ZBTB1: variants seen among roughly 807,000 people sequenced by gnomAD.
The protein encoded by ZBTB1 is zinc finger and BTB domain containing 1.
ZBTB1 carries 13 observed loss-of-function variants against 51.6 expected under a neutral mutation model. The observed-to-expected ratio is 0.25, with a 90% CI of 0.16 to 0.40. The LOEUF (loss-of-function observed/expected upper bound fraction) is 0.40, where lower values mean the gene tolerates loss of function less well. ZBTB1 is among the 10% of genes least tolerant of loss of function. The pLI is 1.00. For synonymous variants in ZBTB1, 240 were observed against 282.2 expected (o/e 0.85, Z 1.50); for missense variants, 567 against 856.5 (o/e 0.66, Z 4.22).
intron 1 of ZBTB1, among the ~76,000 whole-genome samples, chr14:64,511,877 C>T (rs1409214280): frequency 6.6e-6 from 1 of 152,176 alleles, no homozygotes; most frequent in Non-Finnish European, 1.5e-5. Flanking sequence ...AGAAAACAGC[C>T]AGCCGGGTGA....
intron 1 of ZBTB1, 146 bp from the exon 2 acceptor site, chr14:64,521,341 A>G: frequency 1.7e-6 from 1 of 600,008 alleles, no homozygotes; most frequent in South Asian, 2.6e-5. Context: ...TGATTCAAGT[A>G]TATATTATTG....
At chr14:64,504,474 G>T (rs891502236), upstream of ZBTB1, 1 of 156,304 alleles carries the variant, frequency 6.4e-6, no homozygotes, top group Admixed American at 6.5e-5. Context: ...GGAGGAGGAG[G>T]TCCCAAGCCT....
intron 1 of ZBTB1, among the ~76,000 whole-genome samples, chr14:64,520,867 T>A (rs1369653834): frequency 6.6e-6 from 1 of 151,946 alleles, no homozygotes; most frequent in South Asian, 2.1e-4. Context: ...GTTTTCTTTT[T>A]TTTTTTTTCT....
At chr14:64,528,929 A>G (rs2079923870), downstream of ZBTB1, among the ~76,000 whole-genome samples, 1 of 152,228 alleles carries the variant, frequency 6.6e-6, no homozygotes, top group Non-Finnish European at 1.5e-5. Context: ...CCACCTATCA[A>G]GAAGTACAAA....
chr14:64,506,311 T>G (rs2140070650), intron 1 of ZBTB1, among the ~76,000 whole-genome samples: 1 of 152,256 alleles, frequency 6.6e-6, no homozygotes, highest in African/African-American at 2.4e-5. Flanking sequence ...GGCGGGTGGA[T>G]CACCCGAGGT....
chr14:64,523,903 A>G lies in ZBTB1; in HGVS notation c.*257A>G, dbSNP rs997470278. The G allele has an allele frequency of 4.9e-5, 57 of 1,165,180 alleles. No individual in the cohort carries two copies. The highest frequency in any genetic ancestry group is 6.0e-5 in the Non-Finnish European group (56 of 936,038). The allele number at this position is 1,165,180 out of a possible 1,614,324, so 72.2% of individuals were successfully genotyped here. ...TGATTAAAATTTTTAAATGTAGACT[A>G]CAAGTGGTTGTTACCCATTCAATGA... is the stretch of plus-strand genomic sequence containing the variant. On this transcript the variant is annotated 3_prime_UTR_variant, in exon 2 of 2. Transcript: ENST00000683701. The surrounding 1 kb of genome is among the most constrained non-coding windows in gnomAD (Gnocchi z 4.5).
intron 1 of ZBTB1, among the ~76,000 whole-genome samples, chr14:64,518,164 A>T (rs1039778269): frequency 6.6e-6 from 1 of 152,140 alleles, no homozygotes; most frequent in Non-Finnish European, 1.5e-5. Context: ...ATTCACTGCC[A>T]CATGACAGTG....
intron 1 of ZBTB1, among the ~76,000 whole-genome samples, chr14:64,514,890 G>A (rs549070867): frequency 1.3e-5 from 2 of 152,306 alleles, no homozygotes; most frequent in African/African-American, 4.8e-5. Flanking sequence ...CTTCAGCACA[G>A]TTAACTATAC....
chr14:64,505,592 T>C (rs914665560), intron 1 of ZBTB1, among the ~76,000 whole-genome samples: 5 of 152,224 alleles, frequency 3.3e-5, no homozygotes, highest in African/African-American at 1.2e-4. Flanking sequence ...ATGTGTTGGA[T>C]GCAGATCGGG....
chr14:64,504,264 G>A (rs1049921641), upstream of ZBTB1, among the ~76,000 whole-genome samples: 1 of 152,030 alleles, frequency 6.6e-6, no homozygotes, highest in Non-Finnish European at 1.5e-5. Context: ...GTGGGGTCGG[G>A]GGGGCGCGGG....
chr14:64,522,742 C>T lies in ZBTB1; in HGVS notation c.1238C>T (p.Pro413Leu), dbSNP rs1596700835. Residue 413 changes from proline to leucine, a missense_variant, in exon 2 of 2, where the codon CCA (proline) becomes CTA (leucine). This residue lies in a region of ZBTB1 where 329 missense variants were observed against 406.3 expected (regional missense o/e 0.81). Coordinates refer to ENST00000683701, the MANE Select transcript of ZBTB1 (RefSeq NM_001123329.2). ...ENMRPPNNSSPVQEDAENASC... is the reference protein window; with the variant it reads ...ENMRPPNNSSLVQEDAENASC... ...ATGAGGCCCCCTAACAACAGCAGTCCAGTACAAGAGGATGCTGAAAATGCA... is the reference window on the plus strand; with the variant it reads ...ATGAGGCCCCCTAACAACAGCAGTCTAGTACAAGAGGATGCTGAAAATGCA... 6.2e-7 allele frequency: 1 copy of T among 1,614,130 alleles called. No individual in the cohort carries two copies. The highest frequency in any genetic ancestry group is 8.5e-7 in the Non-Finnish European group (1 of 1,180,006).
chr14:64,509,190 C>G (rs2079697114), intron 1 of ZBTB1, among the ~76,000 whole-genome samples: 1 of 152,032 alleles, frequency 6.6e-6, no homozygotes, highest in Non-Finnish European at 1.5e-5. Context: ...GCCAACATGG[C>G]GAAACCCTGT....
intron 1 of ZBTB1, among the ~76,000 whole-genome samples, chr14:64,510,758 A>T (rs376067539): frequency 5.9e-5 from 9 of 152,302 alleles, no homozygotes; most frequent in African/African-American, 2.2e-4. Context: ...GTCTGAAGAT[A>T]TGTGAGGGGA....
At chr14:64,510,079 A>G (rs2079709213) in intron 1 of ZBTB1, among the ~76,000 whole-genome samples, 2 of 152,218 alleles carry the variant, frequency 1.3e-5, no homozygotes, top group African/African-American at 4.8e-5. Context: ...ATTCAGTAAC[A>G]CTTACTGAAT....
At position 64,524,098 on chromosome 14, in the gene ZBTB1, G is replaced by A. The variant is rs1244252362; in HGVS notation, c.*452G>A. On this transcript the variant is annotated 3_prime_UTR_variant, in exon 2 of 2. Coordinates refer to ENST00000683701, the MANE Select transcript of ZBTB1 (RefSeq NM_001123329.2). ...TTTGAAACTATCCCGTTTGCTTTTA[G>A]TGAGTTAACTACTCTTTATTCCCCC... 2 of 983,884 alleles carry A rather than the reference G, an allele frequency of 2.0e-6. No individual in the cohort carries two copies. Among genetic ancestry groups the A allele is most frequent in the African/African-American group, 1.8e-5 (1 of 56,942 alleles). 60.9% of individuals were successfully genotyped at this position (983,884 alleles called of 1,614,324 possible).
rs752106407 is a variant in ZBTB1 at position 64,523,340 on chromosome 14, A to G, written c.1836A>G (p.Gly612=). 6.2e-7 allele frequency: 1 copy of G among 1,614,208 alleles called. No homozygotes were observed. Among genetic ancestry groups the G allele is most frequent in the South Asian group, 1.1e-5 (1 of 91,086 alleles). The change falls in exon 2 of 2, where the codon GGA becomes GGG. Residue 612 remains glycine (G), a synonymous_variant. Coordinates refer to ENST00000683701, the MANE Select transcript of ZBTB1 (RefSeq NM_001123329.2). This position sits in a 1 kb window ranked among gnomAD's most constrained non-coding sequence, Gnocchi z 4.5. ...AACAGTTTGTTTGTCAAACATGTGG[A>G]AAGCAGTTTTTAAGAGAGCGTCAGT... ...KEKQFVCQTC[G]KQFLRERQLR...
chr14:64,521,856 G>A lies in ZBTB1; in HGVS notation c.352G>A (p.Asp118Asn). Residue 118 changes from aspartate to asparagine, a missense_variant, in exon 2 of 2, where the codon GAT (aspartate) becomes AAT (asparagine). Around this residue, in one of 5 missense-constraint regions of ZBTB1, gnomAD observed 74 missense variants for 74.9 expected, o/e 0.99. Coordinates refer to ENST00000683701, the MANE Select transcript of ZBTB1 (RefSeq NM_001123329.2). ...TCCTGACTGTTTAGAAGACATCCAG[G>A]ATGCAGATTGTTCTAGTTCAAAATG... ...NVPDCLEDIQ[D>N]ADCSSSKCSS... 6.2e-7 allele frequency: 1 copy of A among 1,612,846 alleles called. No homozygotes were observed. Among genetic ancestry groups the A allele is most frequent in the Non-Finnish European group, 8.5e-7 (1 of 1,180,026 alleles).
At chr14:64,514,245 C>CATA (rs1275359628) in intron 1 of ZBTB1, 1 of 152,146 alleles carries the variant, frequency 6.6e-6, no homozygotes, top group East Asian at 1.9e-4. Context: ...AACATATATA[C>CATA]ATAAATCTTC....
rs2079720254 is a variant in ZBTB1 at position 64,511,128 on chromosome 14, C to CA, written c.-19+6183dup. ...GGGTTCCAGACAAAATCTGAGTCCA[C>CA]AGAATTAGTACTTTGAAATAGAAGT... On this transcript the variant is annotated intron_variant, in intron 1 of 1. Coordinates refer to ENST00000683701, the MANE Select transcript of ZBTB1 (RefSeq NM_001123329.2). The CA allele has an allele frequency of 3.3e-5, 5 of 152,280 alleles. No individual in the cohort carries two copies. In the South Asian group the frequency reaches 1.0e-3, roughly 32 times the overall value. 9.4% of individuals were successfully genotyped at this position (152,280 alleles called of 1,614,324 possible).
Sources: allele counts gnomAD v4.1 joint callset (sites outside exome capture counted in the v4.1 genomes callset), GRCh38; gene constraint gnomAD v4.1.1; regional missense constraint gnomAD v4.1.1; non-coding constraint Gnocchi (gnomAD v3.1); transcripts MANE v1.5; gene names NCBI Gene and HGNC (gene_info 2026-07-23, HGNC 2026-07-21).